The following RECQL5 variants were observed in gnomAD, a reference collection of about 807,000 sequenced individuals.
RECQL5 encodes the protein ATP-dependent DNA helicase Q5.
A neutral mutation model predicts 103.4 loss-of-function variants in RECQL5; 88 were observed. The observed-to-expected ratio is 0.85, with a 90% CI of 0.72 to 1.02. RECQL5 has a LOEUF of 1.02. RECQL5 is among the 50% of genes least tolerant of loss of function. The pLI, the probability that RECQL5 is intolerant of heterozygous loss-of-function variation, is 0.00. For missense variants in RECQL5, 1,232 were observed against 1,284.3 expected, an observed-to-expected ratio of 0.96 and a Z score of 0.62; for synonymous variants, 552 against 507.9, an observed-to-expected ratio of 1.09 and a Z score of -1.17.
chr17:75,632,734 C>G (rs939850363), intron 8 of RECQL5, among the ~76,000 whole-genome samples: 2 of 152,220 alleles, frequency 1.3e-5, no homozygotes, highest in Admixed American at 6.5e-5. Context: ...GCAGAGGCCG[C>G]AAGAGGGGCC....
chr17:75,658,534 T>A, intron 6 of RECQL5, 74 bp from the exon 7 acceptor site: 1 of 1,451,556 alleles, frequency 6.9e-7, no homozygotes. Context: ...TAATCATGAC[T>A]AGGAGAGCAG....
At chr17:75,665,014 C>A (rs767338363) in intron 3 of RECQL5, 37 bp downstream of exon 3, 1 of 1,500,968 alleles carries the variant, frequency 6.7e-7, no homozygotes, top group Middle Eastern at 1.8e-4. Flanking sequence ...TTCCCCGAAT[C>A]TTTTTGGGCT....
chr17:75,653,828 A>G (rs820208), intron 7 of RECQL5, among the ~76,000 whole-genome samples: 147,130 of 152,114 alleles, frequency 0.97, 71,278 homozygotes, highest in East Asian at 1. Context: ...AACCTGGGAG[A>G]TGGAGAATGC....
At chr17:75,628,074 C>T (rs976672257) in intron 18 of RECQL5, 144 bp downstream of exon 18, 232 of 721,462 alleles carry the variant, frequency 3.2e-4, no homozygotes, top group Admixed American at 1.8e-3. Flanking sequence ...CATGACCCAA[C>T]GGCAAGGCAG....
Position 75,630,191 on chromosome 17 carries a change from A to C in RECQL5, c.1805T>G (p.Leu602Arg). Residue 602 changes from leucine to arginine, a missense_variant, in exon 14 of 20, where the codon CTG becomes CGG. Physicochemically the swap from Leu to Arg is moderately radical, Grantham distance 102. Coordinates refer to ENST00000317905, the MANE Select transcript of RECQL5 (RefSeq NM_004259.7). ...KVANLYKASV[L>R]KKVADIHRAS... Reference sequence around the variant, plus strand: ...CGCCTGCACCAGGCCCACCTTCTTCAGCACGCTGGCCTTGTAGAGGTTGGC... The same window carrying C: ...CGCCTGCACCAGGCCCACCTTCTTCCGCACGCTGGCCTTGTAGAGGTTGGC... 6.4e-7 allele frequency: 1 copy of C among 1,550,684 alleles called. No homozygotes were observed. Among genetic ancestry groups the C allele is most frequent in the Non-Finnish European group, 8.7e-7 (1 of 1,146,404 alleles).
At chr17:75,630,525 G>T in intron 13 of RECQL5, 94 bp downstream of exon 13, 1 of 1,317,282 alleles carries the variant, frequency 7.6e-7, no homozygotes, top group Non-Finnish European at 1.1e-6. Flanking sequence ...TCTGGGGAGA[G>T]GTGGCCCAAA....
intron 2 of RECQL5, 32 bp from the exon 3 acceptor site, chr17:75,665,204 G>A: frequency 6.3e-7 from 1 of 1,585,868 alleles, no homozygotes; most frequent in Non-Finnish European, 8.6e-7. Flanking sequence ...ATATCTCAGT[G>A]CTTCCTGCCT....
intron 1 of RECQL5, 110 bp downstream of exon 1, chr17:75,666,933 AC>A (rs2059795038): frequency 3.8e-6 from 1 of 262,298 alleles, no homozygotes; most frequent in African/African-American, 2.3e-5. Flanking sequence ...AACCACGACG[AC>A]CGTTCTTCCA....
chr17:75,630,099 A>C (rs2059178471), intron 14 of RECQL5, 85 bp downstream of exon 14: 1 of 1,239,720 alleles, frequency 8.1e-7, no homozygotes, highest in Non-Finnish European at 1.1e-6. Flanking sequence ...GGGCTGCCTG[A>C]GCCCAGAGAG....
At position 75,649,794 on chromosome 17, in the gene RECQL5, T is replaced by C. The variant is rs913691494; in HGVS notation, c.1229+1392A>G. 7 of 985,360 alleles carry C rather than the reference T, an allele frequency of 7.1e-6. No individual in the cohort carries two copies. The African/African-American group carries it at 1.2e-4, about 17-fold the overall frequency. The allele number at this position is 985,360 out of a possible 1,614,324, so 61.0% of individuals were successfully genotyped here. A position where few individuals can be genotyped will look rare whatever the true frequency, so the allele number is the denominator to read the frequency against. On this transcript the variant is annotated intron_variant, in intron 8 of 19. Transcript: ENST00000317905. ...GTAGCAAAGGAGACAGGCACGAGGCTGCTCAAGAGGCAGCGCAACACCGTC... is the reference window on the plus strand; with the variant it reads ...GTAGCAAAGGAGACAGGCACGAGGCCGCTCAAGAGGCAGCGCAACACCGTC...
chr17:75,633,031 CT>C (rs1213435448), intron 8 of RECQL5, among the ~76,000 whole-genome samples: 1 of 152,250 alleles, frequency 6.6e-6, no homozygotes, highest in Non-Finnish European at 1.5e-5. Flanking sequence ...GGCTGACTTT[CT>C]TTTAGCTGAG....
intron 15 of RECQL5, 94 bp downstream of exon 15, chr17:75,629,614 A>C (rs2059168756): frequency 6.6e-7 from 1 of 1,508,338 alleles, no homozygotes; most frequent in East Asian, 2.3e-5. Flanking sequence ...CCTGGTGGGG[A>C]GCCAGGCCTT....
intron 8 of RECQL5, among the ~76,000 whole-genome samples, chr17:75,632,893 C>CT (rs2059244961): frequency 6.6e-6 from 1 of 152,242 alleles, no homozygotes; most frequent in Non-Finnish European, 1.5e-5. Flanking sequence ...ATTAACTGCT[C>CT]TAACTAGAAC....
In RECQL5 at chr17:75,636,197, CCT is replaced by C. The variant is rs990429727; in HGVS notation, c.1230-4531_1230-4530del. On this transcript the variant is annotated intron_variant, in intron 8 of 19. Coordinates refer to ENST00000317905, the MANE Select transcript of RECQL5 (RefSeq NM_004259.7). The surrounding 1 kb of genome is among the most constrained non-coding windows in gnomAD (Gnocchi z 5.4). Reference sequence around the variant, plus strand: ...TTGCTCTGGCAGCCACTCAGGAACCCCTGAGGACCCTGAGAAGCCTCCAACCA... The same window carrying C: ...TTGCTCTGGCAGCCACTCAGGAACCCGAGGACCCTGAGAAGCCTCCAACCA... 4.6e-5 allele frequency among the ~76,000 whole-genome samples: 7 copies of C among 152,268 alleles called. No homozygotes were observed. In the South Asian group the frequency reaches 8.3e-4, roughly 18 times the overall value.
intron 8 of RECQL5, among the ~76,000 whole-genome samples, chr17:75,648,379 T>C (rs1378421024): frequency 6.6e-6 from 1 of 152,140 alleles, no homozygotes; most frequent in East Asian, 1.9e-4. Flanking sequence ...GTTGTTGTTG[T>C]TTCTTTGTTT....
At position 75,629,308 on chromosome 17, in the gene RECQL5, C is replaced by T; in HGVS notation, c.2115G>A (p.Gly705=). ...SRPCGLLDED[G]SEPLPGPRGE... ...CTCTGGGCCCAGGGAGGGGCTCACT[C>T]CCATCCTCATCCAGGAGGCCACAGG... Residue 705 remains glycine, a synonymous_variant, in exon 16 of 20, where the codon GGG becomes GGA. Coordinates refer to ENST00000317905, the MANE Select transcript of RECQL5 (RefSeq NM_004259.7). 1 of 1,560,890 alleles carries T rather than the reference C, an allele frequency of 6.4e-7. No individual in the cohort carries two copies. Among genetic ancestry groups the T allele is most frequent in the African/African-American group, 1.4e-5 (1 of 73,276 alleles).
intron 7 of RECQL5, among the ~76,000 whole-genome samples, chr17:75,654,715 G>C (rs1193426859): frequency 6.6e-6 from 1 of 151,890 alleles, no homozygotes; most frequent in Non-Finnish European, 1.5e-5. Context: ...GAATTCCTAG[G>C]CTCAAGCAAT....
In RECQL5 at chr17:75,640,975, G is replaced by A. The variant is rs1341181862; in HGVS notation, c.1230-9307C>T. 4 of 1,513,576 alleles carry A rather than the reference G, an allele frequency of 2.6e-6. No individual in the cohort carries two copies. The highest frequency in any genetic ancestry group is 4.0e-5 in the Admixed American group (2 of 50,290). The allele number at this position is 1,513,576 out of a possible 1,614,324, so 93.8% of individuals were successfully genotyped here. ...CACAGGCCATCAGCCTGGCCCTGCA[G>A]CCCTTACCCCTCAAGACCAGGCTCC... On this transcript the variant is annotated intron_variant, in intron 8 of 19. Transcript: ENST00000317905. This position sits in a 1 kb window ranked among gnomAD's most constrained non-coding sequence, Gnocchi z 4.6.
intron 5 of RECQL5, 75 bp downstream of exon 5, chr17:75,661,531 G>T: frequency 1.0e-6 from 1 of 994,372 alleles, no homozygotes; most frequent in Non-Finnish European, 1.6e-6. Flanking sequence ...TGATAACCAG[G>T]ATCTGTAAAG....
Sources: gnomAD v4.1 joint callset for allele counts (sites outside exome capture counted in the v4.1 genomes callset) on GRCh38, gnomAD v4.1.1 for gene constraint, Gnocchi (gnomAD v3.1) non-coding constraint, MANE v1.5 for transcripts, NCBI Gene and HGNC (gene_info 2026-07-23, HGNC 2026-07-21) for gene names.